The following MFN2 variants were observed in gnomAD, a reference collection of about 807,000 sequenced individuals.
The protein encoded by MFN2 is mitofusin 2.
Under a neutral mutation model 87.5 loss-of-function variants are expected in MFN2, and 43 were observed. The ratio of observed to expected loss-of-function variants is 0.49; its 90% CI spans 0.38 to 0.63. The LOEUF (loss-of-function observed/expected upper bound fraction) is 0.63. MFN2 is among the 30% of genes least tolerant of loss of function. MFN2 has a pLI of 0.00. For synonymous variants in MFN2, 337 were observed against 359.9 expected (o/e 0.94, Z 0.72); for missense variants, 743 against 972.8 (o/e 0.76, Z 3.14).
rs938879445 is a variant in MFN2, at chr1:12,001,097, C to T, written c.817-304C>T. ...TGCTATCTTGGCTCACTGCAACCTC[C>T]GCCTCCAGGTTCAAGTGATTCTCCT... On this transcript the variant is annotated intron_variant, in intron 8 of 18. Coordinates refer to ENST00000235329, the MANE Select transcript of MFN2 (RefSeq NM_014874.4). Among the ~76,000 whole-genome samples, 7 of 152,128 alleles carry T rather than the reference C, an allele frequency of 4.6e-5. No individual in the cohort carries two copies. In the East Asian group the frequency reaches 5.8e-4, roughly 13 times the overall value.
At position 11,997,915 on chromosome 1, in the gene MFN2, G is replaced by A. The variant is rs547410532; in HGVS notation, c.599+494G>A. Among the ~76,000 whole-genome samples the A allele has an allele frequency of 7.6e-5, 8 of 104,808 alleles. No homozygotes were observed. The East Asian group carries it at 2.3e-3, about 30-fold the overall frequency. 68.8% of individuals were successfully genotyped at this position (104,808 alleles called of 152,430 possible). Reference sequence around the variant, plus strand: ...TTTTTTTTTTTTGAGACAGAGTCTTGCTCTGTCACCCAGGCTGGAGTGCAG... The same window carrying A: ...TTTTTTTTTTTTGAGACAGAGTCTTACTCTGTCACCCAGGCTGGAGTGCAG... On this transcript the variant is annotated intron_variant, in intron 6 of 18. Coordinates refer to ENST00000235329, the MANE Select transcript of MFN2 (RefSeq NM_014874.4).
At chr1:11,996,363 G>A in intron 5 of MFN2, 45 bp downstream of exon 5, 6 of 1,611,874 alleles carry the variant, frequency 3.7e-6, no homozygotes, top group Non-Finnish European at 5.1e-6. Flanking sequence ...TGCTGGGGGA[G>A]CAAGTCCTCC....
chr1:11,998,939 G>T (rs576519274), intron 7 of MFN2, 49 bp from the exon 8 acceptor site: 17 of 1,611,794 alleles, frequency 1.1e-5, no homozygotes, highest in Non-Finnish European at 1.4e-5. Flanking sequence ...AGCTGATGGG[G>T]CCTTGGCTGT....
At chr1:12,006,007 T>A in intron 15 of MFN2, 76 bp downstream of exon 15, 1 of 1,431,872 alleles carries the variant, frequency 7.0e-7, no homozygotes, top group Non-Finnish European at 9.8e-7. Context: ...GGAACCATTC[T>A]AAAACGGGGG....
At chr1:11,987,153 A>T (rs957464518) in intron 2 of MFN2, among the ~76,000 whole-genome samples, 1 of 148,856 alleles carries the variant, frequency 6.7e-6, no homozygotes, top group African/African-American at 2.5e-5. Context: ...ACGAAAAATA[A>T]AAAAATTAGC....
intron 2 of MFN2, among the ~76,000 whole-genome samples, chr1:11,985,429 G>A (rs1363686796): frequency 6.9e-6 from 1 of 145,332 alleles, no homozygotes; most frequent in Non-Finnish European, 1.5e-5. Flanking sequence ...CATAGGTAGT[G>A]CTATATCATG....
Position 12,003,878 on chromosome 1 carries a change from C to T in MFN2, c.1161-114C>T. 2.8e-6 allele frequency: 4 copies of T among 1,413,040 alleles called. No individual in the cohort carries two copies. Among genetic ancestry groups the T allele is most frequent in the East Asian group, 2.3e-5 (1 of 43,536 alleles). 87.5% of individuals were successfully genotyped at this position (1,413,040 alleles called of 1,614,324 possible). Reference sequence around the variant, plus strand: ...GGCCATGCCCCTGGGTGCGTGTGTGCAGCCCTGCCAGGCAAGATAGCGGGC... The same window carrying T: ...GGCCATGCCCCTGGGTGCGTGTGTGTAGCCCTGCCAGGCAAGATAGCGGGC... On this transcript the variant is annotated intron_variant, in intron 11 of 18. Transcript: ENST00000235329. The surrounding 1 kb of genome is among the most constrained non-coding windows in gnomAD (Gnocchi z 4.1).
At chr1:11,988,082 TTTTGTGTG>T (rs1336694065) in intron 2 of MFN2, among the ~76,000 whole-genome samples, 5 of 127,694 alleles carry the variant, frequency 3.9e-5, no homozygotes, top group Admixed American at 7.3e-5. Flanking sequence ...GACCAATAGT[TTTTGTGTG>T]TGTGTGTGTG....
chr1:11,998,280 G>A (rs562267880), intron 6 of MFN2, among the ~76,000 whole-genome samples: 19 of 152,078 alleles, frequency 1.2e-4, no homozygotes, highest in African/African-American at 4.1e-4. Flanking sequence ...AGGCACGGTG[G>A]CTCATGCCTG....
chr1:12,003,751 C>T lies in MFN2; in HGVS notation c.1161-241C>T, dbSNP rs1192632058. ...AATTGGCAGAATTTGTTTAAACCCC[C>T]TTAAAGCGCCCTCCCTGTTTTGTGC... On this transcript the variant is annotated intron_variant, in intron 11 of 18. Coordinates refer to ENST00000235329, the MANE Select transcript of MFN2 (RefSeq NM_014874.4). This position sits in a 1 kb window ranked among gnomAD's most constrained non-coding sequence, Gnocchi z 4.1. Among the ~76,000 whole-genome samples, 1 of 152,204 alleles carries T rather than the reference C, an allele frequency of 6.6e-6. No individual in the cohort carries two copies. The highest frequency in any genetic ancestry group is 1.5e-5 in the Non-Finnish European group (1 of 68,038).
intron 3 of MFN2, chr1:11,992,204 T>C: frequency 3.4e-6 from 1 of 295,556 alleles, no homozygotes; most frequent in South Asian, 4.0e-5. Context: ...TCACAGCATT[T>C]GTGTTTCAAT....
chr1:12,004,693 C>A lies in MFN2; in HGVS notation c.1392+80C>A, dbSNP rs1249445534. On this transcript the variant is annotated intron_variant, in intron 13 of 18. Transcript: ENST00000235329. The surrounding 1 kb of genome is among the most constrained non-coding windows in gnomAD (Gnocchi z 4.2). Reference sequence around the variant, plus strand: ...CCCCTGTTGGTCTGGGTCAGGGCCCCCCAGCAGTGACAGTAGAAGCCACAG... The same window carrying A: ...CCCCTGTTGGTCTGGGTCAGGGCCCACCAGCAGTGACAGTAGAAGCCACAG... 6.6e-7 allele frequency: 1 copy of A among 1,518,842 alleles called. No homozygotes were observed. The highest frequency in any genetic ancestry group is 2.3e-5 in the East Asian group (1 of 44,434). 94.1% of individuals were successfully genotyped at this position (1,518,842 alleles called of 1,614,324 possible).
At chr1:11,988,643 C>T (rs1213359220) in intron 2 of MFN2, among the ~76,000 whole-genome samples, 2 of 152,028 alleles carry the variant, frequency 1.3e-5, no homozygotes, top group Admixed American at 6.6e-5. Flanking sequence ...TCAAGTGACC[C>T]TCCCACCTCA....
In MFN2 at chr1:12,012,549, C is replaced by G. The variant is rs1329139539; in HGVS notation, c.*984C>G. ...GGTCTGAGAGCCCCCACCCACTAGG[C>G]TTGATTGCATCCCTGTTGTGCCCTT... On this transcript the variant is annotated 3_prime_UTR_variant, in exon 19 of 19. Coordinates refer to ENST00000235329, the MANE Select transcript of MFN2 (RefSeq NM_014874.4). 1 of 152,236 alleles carries G rather than the reference C, an allele frequency of 6.6e-6. No homozygotes were observed. Among genetic ancestry groups the G allele is most frequent in the Non-Finnish European group, 1.5e-5 (1 of 68,114 alleles). 9.4% of individuals were successfully genotyped at this position (152,236 alleles called of 1,614,324 possible). A position where few individuals can be genotyped will look rare whatever the true frequency, so the allele number is the denominator to read the frequency against.
At position 11,998,740 on chromosome 1, in the gene MFN2, G is replaced by C. The variant is rs1639039769; in HGVS notation, c.600-30G>C. 3 of 1,599,354 alleles carry C rather than the reference G, an allele frequency of 1.9e-6. No homozygotes were observed. The South Asian group carries it at 3.3e-5, about 18-fold the overall frequency. On this transcript the variant is annotated intron_variant, in intron 6 of 18. Coordinates refer to ENST00000235329, the MANE Select transcript of MFN2 (RefSeq NM_014874.4). ...GAAGAATAGGGCTCCTGCTCTGCCTGATGATTTGGTTTACCCCTGTCACCT... is the reference window on the plus strand; with the variant it reads ...GAAGAATAGGGCTCCTGCTCTGCCTCATGATTTGGTTTACCCCTGTCACCT...
In MFN2 at chr1:11,989,309, G is replaced by A; in HGVS notation, c.141G>A (p.Gly47=). The stretch of plus-strand genomic sequence containing the variant: ...TCAATGGCATTTTTGAGCAGCTGGG[G>A]GCCTACATCCAGGAGAGCGCCACCT... ...KKINGIFEQL[G]AYIQESATFL... Residue 47 remains glycine, a synonymous_variant, in exon 3 of 19, where the codon GGG becomes GGA. Transcript: ENST00000235329. 7 of 1,613,990 alleles carry A rather than the reference G, an allele frequency of 4.3e-6. No homozygotes were observed. Among genetic ancestry groups the A allele is most frequent in the Non-Finnish European group, 5.1e-6 (6 of 1,180,024 alleles).
At chr1:12,002,555 GCA>G (rs1484550958) in intron 11 of MFN2, among the ~76,000 whole-genome samples, 1 of 152,168 alleles carries the variant, frequency 6.6e-6, no homozygotes, top group African/African-American at 2.4e-5. Context: ...GGGTGTGGTG[GCA>G]CACACCTGTA....
At chr1:11,984,028 G>A (rs1638283276) in intron 2 of MFN2, among the ~76,000 whole-genome samples, 1 of 152,198 alleles carries the variant, frequency 6.6e-6, no homozygotes, top group Admixed American at 6.5e-5. Context: ...AGTGAGAGCA[G>A]GGAGGCTCCT....
intron 18 of MFN2, 36 bp downstream of exon 18, chr1:12,009,762 C>G: frequency 7.4e-6 from 12 of 1,613,804 alleles, no homozygotes; most frequent in Non-Finnish European, 1.0e-5. Flanking sequence ...GTTAGGGCTC[C>G]AGGGTGCAGC....
Sources: gnomAD v4.1 joint callset for allele counts (sites outside exome capture counted in the v4.1 genomes callset) on GRCh38, gnomAD v4.1.1 for gene constraint, Gnocchi (gnomAD v3.1) non-coding constraint, MANE v1.5 for transcripts, NCBI Gene and HGNC (gene_info 2026-07-23, HGNC 2026-07-21) for gene names.